The following CDRT4 variants were observed in gnomAD, a reference collection of about 807,000 sequenced individuals.
The protein encoded by CDRT4 is CMT1A duplicated region transcript 4 protein.
For synonymous variants in CDRT4, 64 were observed against 69.6 expected (o/e 0.92, Z 0.40); for missense variants, 167 against 193.1 (o/e 0.87, Z 0.80).
At chr17:15,455,887 GCAGA>G (rs1414055157) in intron 1 of CDRT4, among the ~76,000 whole-genome samples, 1 of 152,184 alleles carries the variant, frequency 6.6e-6, no homozygotes, top group Non-Finnish European at 1.5e-5. Context: ...TGAGACAGAG[GCAGA>G]CAGCTAAGGC....
chr17:15,442,427 AG>A (rs200216005), intron 2 of CDRT4, among the ~76,000 whole-genome samples: 47 of 151,070 alleles, frequency 3.1e-4, no homozygotes, highest in South Asian at 1.9e-3. Flanking sequence ...AAAAAAAAAA[AG>A]AAAGAAAGAA....
chr17:15,448,988 G>A (rs2150790720), intron 2 of CDRT4, among the ~76,000 whole-genome samples: 1 of 152,308 alleles, frequency 6.6e-6, no homozygotes, highest in South Asian at 2.1e-4. Flanking sequence ...GTGCCTCTGT[G>A]ATCAGGCCAC....
intron 2 of CDRT4, among the ~76,000 whole-genome samples, chr17:15,452,054 T>A (rs1034216694): frequency 3.3e-5 from 5 of 152,188 alleles, no homozygotes; most frequent in African/African-American, 1.2e-4. Flanking sequence ...CACACTTGTA[T>A]GGGACACAAA....
intron 1 of CDRT4, among the ~76,000 whole-genome samples, chr17:15,455,106 G>T (rs1354330370): frequency 1.3e-5 from 2 of 152,168 alleles, no homozygotes; most frequent in Non-Finnish European, 2.9e-5. Flanking sequence ...GTTGTTCAGA[G>T]AATGACAGGG....
At chr17:15,463,033 A>G (rs1001920481) in intron 1 of CDRT4, among the ~76,000 whole-genome samples, 6 of 152,258 alleles carry the variant, frequency 3.9e-5, no homozygotes, top group African/African-American at 1.4e-4. Flanking sequence ...GGAGGTGGAC[A>G]GGAATGGAAC....
In CDRT4 at chr17:15,437,864, G is replaced by C; in HGVS notation, c.368C>G (p.Ala123Gly). ...TMIPEPTHLH[A>G]DSRDCPTENY... ...TTCAGTTGGACAGTCTCTGGAATCC[G>C]CATGTAAGTGTGTGGGTTCTGGGAT... The change falls in exon 4 of 4, where the codon GCG (alanine) becomes GGG (glycine). Residue 123 changes from alanine (A) to glycine (G), a missense_variant. Transcript: ENST00000619038. 1 of 1,614,152 alleles carries C rather than the reference G, an allele frequency of 6.2e-7. No homozygotes were observed. Among genetic ancestry groups the C allele is most frequent in the Non-Finnish European group, 8.5e-7 (1 of 1,180,022 alleles).
intron 2 of CDRT4, among the ~76,000 whole-genome samples, chr17:15,446,135 A>G (rs1264893149): frequency 6.6e-6 from 1 of 152,066 alleles, no homozygotes; most frequent in African/African-American, 2.4e-5. Context: ...TTCCATGCTG[A>G]TCTCCACCCG....
intron 2 of CDRT4, among the ~76,000 whole-genome samples, chr17:15,444,444 G>T (rs1978923280): frequency 6.6e-6 from 1 of 152,148 alleles, no homozygotes; most frequent in African/African-American, 2.4e-5. Flanking sequence ...ACAGGCACTG[G>T]AATTAAAAGT....
chr17:15,448,454 C>G (rs141044781), intron 2 of CDRT4, among the ~76,000 whole-genome samples: 3 of 152,276 alleles, frequency 2.0e-5, no homozygotes, highest in African/African-American at 7.2e-5. Context: ...GGCTTTACTT[C>G]AGGCCTCACG....
intron 2 of CDRT4, among the ~76,000 whole-genome samples, chr17:15,445,465 C>A (rs960873338): frequency 2.0e-5 from 3 of 152,192 alleles, no homozygotes; most frequent in African/African-American, 7.2e-5. Context: ...AAAAGGAAGA[C>A]TGAATATGCA....
chr17:15,451,238 G>A (rs1215360436), intron 2 of CDRT4, among the ~76,000 whole-genome samples: 1 of 152,148 alleles, frequency 6.6e-6, no homozygotes, highest in Admixed American at 6.5e-5. Context: ...CTGCTGCCAT[G>A]TAAGACGTGC....
intron 2 of CDRT4, among the ~76,000 whole-genome samples, chr17:15,449,341 C>G (rs1979164489): frequency 6.6e-6 from 1 of 152,230 alleles, no homozygotes; most frequent in African/African-American, 2.4e-5. Flanking sequence ...AAACTGGAGC[C>G]TGTAGGGACA....
At chr17:15,461,564 T>C (rs1335581275) in intron 1 of CDRT4, among the ~76,000 whole-genome samples, 1 of 152,234 alleles carries the variant, frequency 6.6e-6, no homozygotes, top group Non-Finnish European at 1.5e-5. Flanking sequence ...CTGGGTCTCA[T>C]GCCCAGAGTT....
intron 3 of CDRT4, 84 bp from the exon 4 acceptor site, chr17:15,438,284 C>A: frequency 7.1e-7 from 1 of 1,414,188 alleles, no homozygotes; most frequent in East Asian, 2.3e-5. Context: ...GGCATTGGAA[C>A]CAGATTTTGA....
At chr17:15,444,408 G>C (rs1482459071) in intron 2 of CDRT4, among the ~76,000 whole-genome samples, 1 of 152,116 alleles carries the variant, frequency 6.6e-6, no homozygotes, top group Non-Finnish European at 1.5e-5. Context: ...TCCCAACATC[G>C]TGATTTGATT....
chr17:15,440,375 A>G lies in CDRT4; in HGVS notation c.-47-90T>C. On this transcript the variant is annotated intron_variant, in intron 2 of 3. Coordinates refer to ENST00000619038, the MANE Select transcript of CDRT4 (RefSeq NM_001204477.2). Reference sequence around the variant, plus strand: ...GGGTGGGGGTGGTTCTAAGTCCTATATGGTCACTGCATGAGGCTAAGATGA... The same window carrying G: ...GGGTGGGGGTGGTTCTAAGTCCTATGTGGTCACTGCATGAGGCTAAGATGA... The G allele has an allele frequency of 2.1e-6, 3 of 1,402,966 alleles. 1 individual carries two copies. In the Admixed American group the frequency reaches 5.8e-5, roughly 27 times the overall value. The allele number at this position is 1,402,966 out of a possible 1,614,324, so 86.9% of individuals were successfully genotyped here. A position where few individuals can be genotyped will look rare whatever the true frequency, so the allele number is the denominator to read the frequency against.
rs149332799 is a variant in CDRT4, at chr17:15,438,143, G to A, written c.89C>T (p.Pro30Leu). 88 of 1,613,966 alleles carry A rather than the reference G, an allele frequency of 5.5e-5. No individual in the cohort carries two copies. The South Asian group carries it at 6.5e-4, about 12-fold the overall frequency. ...RKLLEKHDPW[P>L]AYVTYTSQTV... ...CTGAGAGGTATAGGTGACATAGGCC[G>A]GCCAGGGGTCATGTTTTTCAAGTAG... The change falls in exon 4 of 4, where the codon CCG (proline) becomes CTG (leucine). Residue 30 changes from proline (P) to leucine (L), a missense_variant. By Grantham distance (98) the Pro-to-Leu change is moderately conservative (BLOSUM62 -3). Transcript: ENST00000619038.
chr17:15,460,937 C>T (rs1236582193), intron 1 of CDRT4, among the ~76,000 whole-genome samples: 1 of 149,454 alleles, frequency 6.7e-6, no homozygotes, highest in Admixed American at 6.7e-5. Context: ...AGTCCTCAAA[C>T]TCACCAAACT....
chr17:15,441,778 C>T (rs1433917855), intron 2 of CDRT4, among the ~76,000 whole-genome samples: 2 of 152,184 alleles, frequency 1.3e-5, no homozygotes, highest in African/African-American at 2.4e-5. Context: ...TATTTAGAGA[C>T]AGATCTTACA....
Sources: allele counts gnomAD v4.1 joint callset (sites outside exome capture counted in the v4.1 genomes callset), GRCh38; gene constraint gnomAD v4.1.1; transcripts MANE v1.5; gene names NCBI Gene and HGNC (gene_info 2026-07-23, HGNC 2026-07-21).